The following KBTBD6 variants were observed in gnomAD, a reference collection of about 807,000 sequenced individuals.
The protein encoded by KBTBD6 is kelch repeat and BTB domain containing 6, also known as kelch repeat and BTB domain-containing protein 6.
A neutral mutation model predicts 34.4 loss-of-function variants in KBTBD6; 6 were observed. The observed-to-expected ratio is 0.17, with a 90% CI of 0.10 to 0.34. The LOEUF (loss-of-function observed/expected upper bound fraction) is 0.34, where lower values mean the gene tolerates loss of function less well. KBTBD6 is among the 10% of genes least tolerant of loss of function. The probability of loss-of-function intolerance (pLI) is 1.00; values close to 1 mark genes in which losing one functional copy is unlikely to be tolerated. For synonymous variants in KBTBD6, 288 were observed against 327.2 expected (o/e 0.88, Z 1.29); for missense variants, 557 against 856.0 (o/e 0.65, Z 4.36).
rs1207172601 is a variant in KBTBD6, at chr13:41,130,964, C to T, written c.1548G>A (p.Gln516=). 6.2e-7 allele frequency: 1 copy of T among 1,614,132 alleles called. No homozygotes were observed. The highest frequency in any genetic ancestry group is 1.3e-5 in the African/African-American group (1 of 75,028). ...KCVSLKRNDF[Q]EACVFNEEIY... ...TCTCCTCATTGAAGACGCAGGCTTC[C>T]TGAAAGTCATTGCGCTTCAGAGAAA... The change falls in exon 1 of 1, where the codon CAG becomes CAA. Residue 516 remains glutamine, a synonymous_variant. Coordinates refer to ENST00000379485, the MANE Select transcript of KBTBD6 (RefSeq NM_152903.5). The surrounding 1 kb of genome is among the most constrained non-coding windows in gnomAD (Gnocchi z 4.8).
Sources: allele counts gnomAD v4.1 joint callset, GRCh38; gene constraint gnomAD v4.1.1; non-coding constraint Gnocchi (gnomAD v3.1); transcripts MANE v1.5; gene names NCBI Gene and HGNC (gene_info 2026-07-23, HGNC 2026-07-21).